Variants in PHACTR1 observed in about 807,000 individuals in gnomAD.
PHACTR1 encodes the protein RPEL repeat containing 1.
Under a neutral mutation model 69.2 loss-of-function variants are expected in PHACTR1, and 16 were observed. The ratio of observed to expected loss-of-function variants is 0.23; its 90% confidence interval spans 0.16 to 0.35. PHACTR1 has a LOEUF of 0.35. Ranked by LOEUF, PHACTR1 falls within the 10% of genes least tolerant of loss-of-function variation. The pLI is 1.00. For synonymous variants in PHACTR1, 312 were observed against 284.5 expected, an observed-to-expected ratio of 1.10 and a Z score of -0.97; for missense variants, 510 against 734.7, an observed-to-expected ratio of 0.69 and a Z score of 3.54.
chr6:13,009,656 T>G (rs894124552), intron 4 of PHACTR1, among the ~76,000 whole-genome samples: 5 of 152,072 alleles, frequency 3.3e-5, no homozygotes, highest in Admixed American at 2.6e-4. Flanking sequence ...AAGCCTCAGT[T>G]CACAGGAGAT....
intron 4 of PHACTR1, among the ~76,000 whole-genome samples, chr6:12,752,425 C>A (rs886139610): frequency 2.6e-5 from 4 of 152,140 alleles, no homozygotes; most frequent in African/African-American, 9.7e-5. Flanking sequence ...GTCCTGTGCC[C>A]TTTCTTTCCA....
intron 5 of PHACTR1, among the ~76,000 whole-genome samples, chr6:13,078,177 G>A (rs962572995): frequency 5.9e-5 from 9 of 152,044 alleles, no homozygotes; most frequent in East Asian, 1.9e-4. Flanking sequence ...GTGGGTGGGG[G>A]CTGTGAGGAA....
intron 4 of PHACTR1, among the ~76,000 whole-genome samples, chr6:12,856,922 G>A (rs555805857): frequency 1.0e-3 from 158 of 152,296 alleles, no homozygotes; most frequent in African/African-American, 3.6e-3. Context: ...ACCCTGCAGC[G>A]GCAAGGAAAA....
chr6:12,912,636 T>C (rs1394458503), intron 4 of PHACTR1, among the ~76,000 whole-genome samples: 1 of 152,200 alleles, frequency 6.6e-6, no homozygotes, highest in East Asian at 1.9e-4. Flanking sequence ...TCCTCATTTA[T>C]CTAAGAAATG....
chr6:13,167,014 C>T (rs1201032248), intron 6 of PHACTR1, among the ~76,000 whole-genome samples: 1 of 152,168 alleles, frequency 6.6e-6, no homozygotes, highest in Admixed American at 6.5e-5. Flanking sequence ...GAGGATCTCA[C>T]GAAGTCACCT....
At chr6:12,720,021 T>A (rs1761898522) in intron 3 of PHACTR1, among the ~76,000 whole-genome samples, 1 of 152,220 alleles carries the variant, frequency 6.6e-6, no homozygotes, top group African/African-American at 2.4e-5. Flanking sequence ...CTTCTGGGTG[T>A]ATGGAGTCAA....
At chr6:12,835,969 A>G (rs1164474106) in intron 4 of PHACTR1, among the ~76,000 whole-genome samples, 1 of 152,094 alleles carries the variant, frequency 6.6e-6, no homozygotes, top group Non-Finnish European at 1.5e-5. Context: ...TGAAACAAAA[A>G]TAAAAAAAAA....
chr6:12,886,508 T>C (rs187783262), intron 4 of PHACTR1, among the ~76,000 whole-genome samples: 45 of 151,948 alleles, frequency 3.0e-4, no homozygotes, highest in Non-Finnish European at 4.3e-4. Flanking sequence ...ATGCCCATTT[T>C]ACAGAAGAGT....
intron 4 of PHACTR1, among the ~76,000 whole-genome samples, chr6:12,925,704 C>A (rs1953088): frequency 0.52 from 78,667 of 152,016 alleles, 23,309 homozygotes; most frequent in East Asian, 0.91. Flanking sequence ...TCCCATCTTG[C>A]AATTTACACT....
chr6:13,134,898 AG>A (rs1176582171), intron 5 of PHACTR1, among the ~76,000 whole-genome samples: 1 of 151,826 alleles, frequency 6.6e-6, no homozygotes, highest in Non-Finnish European at 1.5e-5. Context: ...TAGAGTACTT[AG>A]GTAACCTACC....
chr6:12,966,390 T>TA (rs1793505679), intron 4 of PHACTR1, among the ~76,000 whole-genome samples: 1 of 152,150 alleles, frequency 6.6e-6, no homozygotes, highest in South Asian at 2.1e-4. Flanking sequence ...AAGTAACTTG[T>TA]CCCTGGACAT....
intron 3 of PHACTR1, among the ~76,000 whole-genome samples, chr6:12,737,606 T>TG (rs1184412729): frequency 6.6e-6 from 1 of 151,440 alleles, no homozygotes; most frequent in African/African-American, 2.4e-5. Context: ...TTCTTTTTTT[T>TG]TTTTAAGAGA....
chr6:13,253,544 C>T (rs1774778623), intron 10 of PHACTR1, among the ~76,000 whole-genome samples: 1 of 152,190 alleles, frequency 6.6e-6, no homozygotes, highest in African/African-American at 2.4e-5. Flanking sequence ...TGTCCTTGCC[C>T]CACAGTTCTG....
At chr6:12,747,316 C>CT (rs888716701) in intron 3 of PHACTR1, among the ~76,000 whole-genome samples, 10 of 152,078 alleles carry the variant, frequency 6.6e-5, no homozygotes, top group East Asian at 1.9e-4. Context: ...CACTTCTTTT[C>CT]TTTTTTTTCT....
intron 4 of PHACTR1, among the ~76,000 whole-genome samples, chr6:12,794,269 G>T (rs1772697953): frequency 6.6e-6 from 1 of 152,340 alleles, no homozygotes; most frequent in African/African-American, 2.4e-5. Context: ...AGGTGACTAT[G>T]ATACCATTTT....
intron 10 of PHACTR1, among the ~76,000 whole-genome samples, chr6:13,238,440 A>G (rs181877681): frequency 5.9e-5 from 9 of 152,340 alleles, no homozygotes; most frequent in Admixed American, 4.6e-4. Context: ...GAATTTCATA[A>G]TATGCTAGAT....
At chr6:13,086,161 G>A (rs1405486835) in intron 5 of PHACTR1, among the ~76,000 whole-genome samples, 1 of 142,074 alleles carries the variant, frequency 7.0e-6, no homozygotes, top group Non-Finnish European at 1.5e-5. Context: ...TAATCAAAAG[G>A]AAAAACTGAG....
At chr6:12,724,768 C>A (rs964944110) in intron 3 of PHACTR1, among the ~76,000 whole-genome samples, 2 of 152,134 alleles carry the variant, frequency 1.3e-5, no homozygotes, top group African/African-American at 4.8e-5. Flanking sequence ...AGAGACAGAA[C>A]CAGATATCAT....
At chr6:12,850,798 C>T (rs1031852792) in intron 4 of PHACTR1, among the ~76,000 whole-genome samples, 16 of 152,256 alleles carry the variant, frequency 1.1e-4, no homozygotes, top group African/African-American at 1.9e-4. Context: ...TGTGTCTTCA[C>T]GCCCTCTTCC....
Sources: gnomAD v4.1 joint callset for allele counts (sites outside exome capture counted in the v4.1 genomes callset) on GRCh38, gnomAD v4.1.1 for gene constraint, MANE v1.5 for transcripts, NCBI Gene and HGNC (gene_info 2026-07-23, HGNC 2026-07-21) for gene names.